Variants in ACOXL observed in about 807,000 individuals in gnomAD.
ACOXL encodes the protein acyl-CoA oxidase like.
In ACOXL, 70 loss-of-function variants were observed where a neutral mutation model predicts 71.9. The observed-to-expected ratio is 0.97, with a 90% CI of 0.80 to 1.19. The LOEUF is 1.19. Ranked by LOEUF, ACOXL falls within the 50% of genes most tolerant of loss-of-function variation. ACOXL has a pLI of 0.00. For synonymous variants in ACOXL, 253 were observed against 281.6 expected (o/e 0.90, Z 1.02); for missense variants, 703 against 736.3 (o/e 0.95, Z 0.52).
intron 12 of ACOXL, among the ~76,000 whole-genome samples, chr2:110,943,077 AAAG>A (rs537759647): frequency 2.4e-3 from 285 of 121,120 alleles, no homozygotes; most frequent in Middle Eastern, 4.0e-3. Context: ...GGAAGGAAGA[AAAG>A]AAGAGAGGGA....
At chr2:111,097,090 T>C (rs1438413564) in intron 17 of ACOXL, among the ~76,000 whole-genome samples, 2 of 152,214 alleles carry the variant, frequency 1.3e-5, no homozygotes, top group Admixed American at 1.3e-4. Context: ...TCAGGGAAAA[T>C]GCAATTTTCT....
chr2:111,102,489 C>T (rs529575390), intron 17 of ACOXL, among the ~76,000 whole-genome samples: 2 of 152,334 alleles, frequency 1.3e-5, no homozygotes, highest in East Asian at 3.9e-4. Context: ...GTTTCTCTGG[C>T]AGCTGCATTG....
At chr2:110,921,969 G>T (rs2060095581) in intron 11 of ACOXL, among the ~76,000 whole-genome samples, 1 of 152,268 alleles carries the variant, frequency 6.6e-6, no homozygotes, top group Admixed American at 6.5e-5. Flanking sequence ...AGTAAAAATA[G>T]TGTTCTATGT....
intron 2 of ACOXL, among the ~76,000 whole-genome samples, chr2:110,772,635 C>T (rs1214870982): frequency 6.6e-6 from 1 of 152,154 alleles, no homozygotes; most frequent in Non-Finnish European, 1.5e-5. Context: ...AGCCTACAAC[C>T]GTTCTCTCTC....
intron 12 of ACOXL, among the ~76,000 whole-genome samples, chr2:110,938,449 G>A (rs769031584): frequency 2.6e-5 from 4 of 152,250 alleles, no homozygotes; most frequent in Non-Finnish European, 5.9e-5. Context: ...CAGCACTGCA[G>A]CATGGTGCTT....
chr2:110,959,031 G>A (rs772437212), intron 12 of ACOXL, among the ~76,000 whole-genome samples: 4 of 152,332 alleles, frequency 2.6e-5, no homozygotes, highest in East Asian at 1.9e-4. Flanking sequence ...GAGACCCCTC[G>A]TGCATTACCT....
intron 1 of ACOXL, among the ~76,000 whole-genome samples, chr2:110,736,606 C>T (rs1262947187): frequency 6.7e-6 from 1 of 148,628 alleles, no homozygotes; most frequent in African/African-American, 2.5e-5. Context: ...GTATAGACTA[C>T]ATTTTGATTA....
intron 16 of ACOXL, among the ~76,000 whole-genome samples, chr2:111,068,045 A>T (rs1389728984): frequency 6.6e-6 from 1 of 152,180 alleles, no homozygotes; most frequent in Non-Finnish European, 1.5e-5. Flanking sequence ...CACCTAAAAA[A>T]TACCCCACAA....
chr2:110,874,932 C>G (rs1695721960), intron 10 of ACOXL, among the ~76,000 whole-genome samples: 1 of 152,180 alleles, frequency 6.6e-6, no homozygotes, highest in Non-Finnish European at 1.5e-5. Context: ...CGAGGTCTCT[C>G]TCTCCTGTGT....
intron 14 of ACOXL, among the ~76,000 whole-genome samples, chr2:111,028,712 G>A (rs1298625308): frequency 6.6e-6 from 1 of 152,168 alleles, no homozygotes; most frequent in Admixed American, 6.5e-5. Context: ...GAAAAGAAAG[G>A]CGAATGGATA....
intron 12 of ACOXL, among the ~76,000 whole-genome samples, chr2:110,943,212 AGAAG>A (rs2060955788): frequency 1.4e-5 from 2 of 147,840 alleles, no homozygotes; most frequent in African/African-American, 5.0e-5. Flanking sequence ...AAGGAAAGGA[AGAAG>A]GAAGGAAAGA....
intron 16 of ACOXL, among the ~76,000 whole-genome samples, chr2:111,066,567 G>A (rs2067085004): frequency 6.6e-6 from 1 of 152,100 alleles, no homozygotes; most frequent in Non-Finnish European, 1.5e-5. Flanking sequence ...ACATATCTCT[G>A]TATAATTTCT....
At chr2:110,979,160 A>G (rs1322318079) in intron 12 of ACOXL, among the ~76,000 whole-genome samples, 1 of 152,180 alleles carries the variant, frequency 6.6e-6, no homozygotes, top group Admixed American at 6.5e-5. Context: ...GTTCAGACCC[A>G]GTCACTACTG....
chr2:111,065,526 T>C (rs989013227), intron 16 of ACOXL, among the ~76,000 whole-genome samples: 1 of 152,120 alleles, frequency 6.6e-6, no homozygotes, highest in Non-Finnish European at 1.5e-5. Flanking sequence ...CAGGACATCA[T>C]CAAAATTAAA....
intron 13 of ACOXL, among the ~76,000 whole-genome samples, chr2:110,989,673 C>T (rs1203331528): frequency 6.6e-6 from 1 of 152,088 alleles, no homozygotes; most frequent in East Asian, 1.9e-4. Context: ...AAGATGAAAA[C>T]GTTGTGGAGA....
chr2:110,990,625 T>G (rs1363049138), intron 13 of ACOXL, among the ~76,000 whole-genome samples: 1 of 152,238 alleles, frequency 6.6e-6, no homozygotes, highest in Non-Finnish European at 1.5e-5. Flanking sequence ...TCTTGTGCTG[T>G]CTTTCAGGCT....
At chr2:110,860,074 T>C (rs1304698840) in intron 10 of ACOXL, among the ~76,000 whole-genome samples, 2 of 152,198 alleles carry the variant, frequency 1.3e-5, no homozygotes, top group African/African-American at 4.8e-5. Context: ...GTATAAGATT[T>C]CCATTTGTGT....
At chr2:110,818,348 C>T (rs368895028) in intron 9 of ACOXL, among the ~76,000 whole-genome samples, 1,960 of 145,668 alleles carry the variant, frequency 0.013, 23 homozygotes, top group Middle Eastern at 0.025. Flanking sequence ...GAGCCGAGAT[C>T]GCACCACTGC....
At chr2:111,012,479 T>C (rs1313309941) in intron 14 of ACOXL, among the ~76,000 whole-genome samples, 1 of 152,228 alleles carries the variant, frequency 6.6e-6, no homozygotes, top group Non-Finnish European at 1.5e-5. Flanking sequence ...AATAACACTG[T>C]CATCTAATTC....
Sources: allele counts gnomAD v4.1 joint callset (sites outside exome capture counted in the v4.1 genomes callset), GRCh38; gene constraint gnomAD v4.1.1; transcripts MANE v1.5; gene names NCBI Gene and HGNC (gene_info 2026-07-23, HGNC 2026-07-21).